Variants in SLC41A3 observed in about 807,000 individuals in gnomAD.
The protein encoded by SLC41A3 is solute carrier family 41 member 3.
Under a neutral mutation model 45.4 loss-of-function variants are expected in SLC41A3, and 44 were observed. That is an observed-to-expected ratio of 0.97 (90% confidence interval 0.76 to 1.25). The LOEUF (loss-of-function observed/expected upper bound fraction) is 1.25, where lower values mean the gene tolerates loss of function less well. Among genes scored for constraint, SLC41A3 ranks in the 50% most tolerant of loss-of-function variants. The pLI is 0.00. For missense variants in SLC41A3, 550 were observed against 600.6 expected, an observed-to-expected ratio of 0.92 and a Z score of 0.88; for synonymous variants, 256 against 252.4, an observed-to-expected ratio of 1.01 and a Z score of -0.13.
intron 6 of SLC41A3, among the ~76,000 whole-genome samples, chr3:126,020,492 A>C (rs1940746496): frequency 6.6e-6 from 1 of 152,080 alleles, no homozygotes; most frequent in South Asian, 2.1e-4. Context: ...AAATTTTCCC[A>C]ATTTTCCCGC....
In SLC41A3 at chr3:126,026,593, T is replaced by A; in HGVS notation, c.454-114A>T. Reference sequence around the variant, plus strand: ...CGGGTGCCACATGCTACTGCCTCCTTTCCCTTACCCTAAAATCTCACAGGC... The same window carrying A: ...CGGGTGCCACATGCTACTGCCTCCTATCCCTTACCCTAAAATCTCACAGGC... On this transcript the variant is annotated intron_variant, in intron 4 of 10. Coordinates refer to ENST00000360370, the MANE Select transcript of SLC41A3 (RefSeq NM_017836.4). This position sits in a 1 kb window ranked among gnomAD's most constrained non-coding sequence, Gnocchi z 4.2. 1.5e-6 allele frequency: 2 copies of A among 1,331,230 alleles called. No individual in the cohort carries two copies. The allele number at this position is 1,331,230 out of a possible 1,614,324, so 82.5% of individuals were successfully genotyped here.
intron 1 of SLC41A3, among the ~76,000 whole-genome samples, chr3:126,074,475 G>T (rs939094213): frequency 6.6e-6 from 1 of 151,982 alleles, no homozygotes; most frequent in African/African-American, 2.4e-5. Flanking sequence ...GACGTATCCA[G>T]CTTGAAAAGG....
In SLC41A3 at chr3:126,007,244, G is replaced by A. The variant is rs1056203937; in HGVS notation, c.1255-19C>T. On this transcript the variant is annotated intron_variant, in intron 10 of 10. Transcript: ENST00000360370. ...TTGTCACCTGTCAGAAGGGCAAAGA[G>A]ACACAAAAGAAGACCAAGTCAGAAA... 3 of 1,611,634 alleles carry A rather than the reference G, an allele frequency of 1.9e-6. No homozygotes were observed. Among genetic ancestry groups the A allele is most frequent in the South Asian group, 2.2e-5 (2 of 90,688 alleles).
chr3:126,050,906 CGTT>C, intron 3 of SLC41A3, 34 bp downstream of exon 3: 1 of 1,591,218 alleles, frequency 6.3e-7, no homozygotes, highest in Non-Finnish European at 8.6e-7. Flanking sequence ...GCCTGCCTCA[CGTT>C]GTGGCCGCCT....
chr3:126,078,762 T>C (rs1428166247), intron 1 of SLC41A3, among the ~76,000 whole-genome samples: 4 of 152,072 alleles, frequency 2.6e-5, no homozygotes, highest in Non-Finnish European at 5.9e-5. Flanking sequence ...ACCAGGGTCC[T>C]CTCAAGGGGT....
At chr3:126,042,640 T>C (rs549158207) in intron 3 of SLC41A3, among the ~76,000 whole-genome samples, 16 of 152,268 alleles carry the variant, frequency 1.1e-4, no homozygotes, top group Admixed American at 3.9e-4. Flanking sequence ...CTAAAGGACA[T>C]ATAACTTTAG....
intron 4 of SLC41A3, among the ~76,000 whole-genome samples, chr3:126,030,075 A>C (rs1393719358): frequency 6.8e-6 from 1 of 147,120 alleles, no homozygotes; most frequent in Non-Finnish European, 1.5e-5. Flanking sequence ...ATTTCAAAAA[A>C]TAAAATAAAT....
At chr3:126,017,885 G>A (rs760273518) in intron 6 of SLC41A3, among the ~76,000 whole-genome samples, 1 of 152,170 alleles carries the variant, frequency 6.6e-6, no homozygotes, top group African/African-American at 2.4e-5. Flanking sequence ...CTCTGCAGGA[G>A]ATATAAGCCA....
intron 1 of SLC41A3, among the ~76,000 whole-genome samples, chr3:126,072,437 T>A (rs1360514185): frequency 7.0e-6 from 1 of 143,036 alleles, no homozygotes; most frequent in Admixed American, 6.9e-5. Context: ...AAACTGACAA[T>A]CCTTTATGTA....
At chr3:126,056,428 T>G (rs1195700633) in intron 2 of SLC41A3, 1 of 1,614,204 alleles carries the variant, frequency 6.2e-7, no homozygotes, top group Non-Finnish European at 8.5e-7. Context: ...CACCACGACC[T>G]GGCACATGAT....
Position 126,026,568 on chromosome 3 carries a change from C to CGG in SLC41A3, c.454-91_454-90dup, listed in dbSNP as rs1941372221. 1 of 1,491,290 alleles carries CGG rather than the reference C, an allele frequency of 6.7e-7. No individual in the cohort carries two copies. The highest frequency in any genetic ancestry group is 1.4e-5 in the African/African-American group (1 of 71,820). 92.4% of individuals were successfully genotyped at this position (1,491,290 alleles called of 1,614,324 possible). A position where few individuals can be genotyped will look rare whatever the true frequency, so the allele number is the denominator to read the frequency against. On this transcript the variant is annotated intron_variant, in intron 4 of 10. Transcript: ENST00000360370. This position sits in a 1 kb window ranked among gnomAD's most constrained non-coding sequence, Gnocchi z 4.2. ...TCACACCTCACTCACCGCAAGGGGC[C>CGG]GGGTGCCACATGCTACTGCCTCCTT...
chr3:126,053,732 T>A (rs920827143), intron 2 of SLC41A3, among the ~76,000 whole-genome samples: 23 of 152,184 alleles, frequency 1.5e-4, no homozygotes, highest in African/African-American at 4.8e-4. Flanking sequence ...CCAGTGTCTA[T>A]GACTCAGAAG....
At chr3:126,054,055 G>A (rs1484459546) in intron 2 of SLC41A3, among the ~76,000 whole-genome samples, 2 of 152,254 alleles carry the variant, frequency 1.3e-5, no homozygotes, top group Admixed American at 6.5e-5. Flanking sequence ...GCTCTCCCCT[G>A]CTCCTCCGGC....
At chr3:126,038,667 CG>C (rs1342367448) in intron 3 of SLC41A3, among the ~76,000 whole-genome samples, 2 of 152,068 alleles carry the variant, frequency 1.3e-5, no homozygotes, top group African/African-American at 4.8e-5. Context: ...AATGTGCACT[CG>C]GTTTCAGATG....
upstream of SLC41A3, among the ~76,000 whole-genome samples, chr3:126,089,196 C>T (rs1240910494): frequency 6.6e-6 from 1 of 152,128 alleles, no homozygotes; most frequent in Non-Finnish European, 1.5e-5. Flanking sequence ...TTGCCCCTCC[C>T]ACAGAATCAT....
At chr3:126,008,930 T>G (rs772687763) in intron 9 of SLC41A3, 50 bp from the exon 10 acceptor site, 13 of 1,604,346 alleles carry the variant, frequency 8.1e-6, no homozygotes, top group Non-Finnish European at 1.0e-5. Context: ...CGAGGCCACT[T>G]TGGCATGTGA....
At chr3:126,064,125 C>T (rs1352396669) in intron 2 of SLC41A3, among the ~76,000 whole-genome samples, 1 of 151,938 alleles carries the variant, frequency 6.6e-6, no homozygotes, top group Non-Finnish European at 1.5e-5. Flanking sequence ...AAGCTGGCAT[C>T]GAGGCATCAA....
intron 1 of SLC41A3, among the ~76,000 whole-genome samples, chr3:126,080,861 G>C (rs1490109802): frequency 6.6e-6 from 1 of 152,144 alleles, no homozygotes; most frequent in Non-Finnish European, 1.5e-5. Context: ...TGAGGCATGA[G>C]AGTCACTTGA....
chr3:126,030,704 T>G (rs923113686), intron 4 of SLC41A3, among the ~76,000 whole-genome samples: 1 of 151,950 alleles, frequency 6.6e-6, no homozygotes, highest in African/African-American at 2.4e-5. Context: ...AATGGATGAG[T>G]AGACAGGTAG....
Sources: gnomAD v4.1 joint callset for allele counts (sites outside exome capture counted in the v4.1 genomes callset) on GRCh38, gnomAD v4.1.1 for gene constraint, Gnocchi (gnomAD v3.1) non-coding constraint, MANE v1.5 for transcripts, NCBI Gene and HGNC (gene_info 2026-07-23, HGNC 2026-07-21) for gene names.